PPP1R21: variants seen among roughly 807,000 people sequenced by gnomAD.
The protein encoded by PPP1R21 is protein phosphatase 1 regulatory subunit 21.
Under a neutral mutation model 112.8 loss-of-function variants are expected in PPP1R21, and 85 were observed. The observed-to-expected ratio is 0.75, with a 90% CI of 0.63 to 0.90. The LOEUF (loss-of-function observed/expected upper bound fraction) is 0.90, where lower values mean the gene tolerates loss of function less well. Ranked by LOEUF, PPP1R21 falls within the 40% of genes least tolerant of loss-of-function variation. PPP1R21 has a pLI of 0.00. For missense variants in PPP1R21, 1,199 were observed against 901.5 expected (o/e 1.33, Z -4.23); for synonymous variants, 381 against 322.3 (o/e 1.18, Z -1.95).
chr2:48,505,685 A>C, intron 18 of PPP1R21, 89 bp downstream of exon 18: 2 of 1,137,954 alleles, frequency 1.8e-6, no homozygotes, highest in South Asian at 2.7e-5. Context: ...TCTTTGTCTA[A>C]TTGTTGTTGT....
chr2:48,460,446 G>A (rs1281609180), intron 6 of PPP1R21, among the ~76,000 whole-genome samples: 2 of 152,120 alleles, frequency 1.3e-5, no homozygotes, highest in East Asian at 3.8e-4. Flanking sequence ...AACAGAAGGG[G>A]CCTCTGATAG....
At position 48,491,081 on chromosome 2, in the gene PPP1R21, G is replaced by T; in HGVS notation, c.1510G>T (p.Ala504Ser). The T allele has an allele frequency of 6.2e-7, 1 of 1,614,064 alleles. No homozygotes were observed. The highest frequency in any genetic ancestry group is 8.5e-7 in the Non-Finnish European group (1 of 1,179,940). The change falls in exon 15 of 22, where the codon GCA becomes TCA. Residue 504 changes from alanine (A) to serine (S), a missense_variant. By Grantham distance (99) the Ala-to-Ser change is moderately conservative. Coordinates refer to ENST00000294952, the MANE Select transcript of PPP1R21 (RefSeq NM_001135629.3). The part of the protein sequence containing the change: ...FIASLSYGPK[A>S]ASGFISPLSA... ...TGCTTCACTGAGCTATGGACCTAAG[G>T]CAGCGAGTGGATTCATTAGTCCTCT...
Position 48,510,987 on chromosome 2 carries a change from A to G in PPP1R21, c.2185-353A>G, listed in dbSNP as rs539048673. Among the ~76,000 whole-genome samples the G allele has an allele frequency of 2.6e-5, 4 of 152,340 alleles. No individual in the cohort carries two copies. The South Asian group carries it at 6.2e-4, about 24-fold the overall frequency. ...GGCCTGGGCCTTAAGCTGCATGTCA[A>G]TTGATCAGATAGACCATCTTTATAG... is the stretch of plus-strand genomic sequence containing the variant. On this transcript the variant is annotated intron_variant, in intron 20 of 21. Transcript: ENST00000294952.
intron 12 of PPP1R21, among the ~76,000 whole-genome samples, chr2:48,477,042 C>T (rs1454670242): frequency 6.6e-6 from 1 of 151,606 alleles, no homozygotes; most frequent in Non-Finnish European, 1.5e-5. Flanking sequence ...TGAAGACTTA[C>T]CCTGTGTTTT....
At chr2:48,496,215 GAA>G (rs554785053) in intron 16 of PPP1R21, among the ~76,000 whole-genome samples, 2 of 148,774 alleles carry the variant, frequency 1.3e-5, no homozygotes, top group African/African-American at 4.9e-5. Context: ...AGAAAAAAAG[GAA>G]AAAAAAAATA....
At position 48,491,153 on chromosome 2, in the gene PPP1R21, A is replaced by G. The variant is rs769663286; in HGVS notation, c.1582A>G (p.Met528Val). 4.3e-6 allele frequency: 7 copies of G among 1,612,272 alleles called. No individual in the cohort carries two copies. The South Asian group carries it at 7.7e-5, about 18-fold the overall frequency. Reference sequence around the variant, plus strand: ...GTATAAGAAAAAAGCTGCTGCCTATATGAAGTCTTTGAGAAAGGTTTGTTA... The same window carrying G: ...GTATAAGAAAAAAGCTGCTGCCTATGTGAAGTCTTTGAGAAAGGTTTGTTA... The part of the protein sequence containing the change: ...LQYKKKAAAY[M>V]KSLRKPLLES... Residue 528 changes from methionine (M) to valine (V), a missense_variant, in exon 15 of 22, where the codon ATG becomes GTG. Transcript: ENST00000294952.
intron 10 of PPP1R21, 21 bp from the exon 11 acceptor site, chr2:48,471,257 TG>T (rs767569982): frequency 5.6e-6 from 9 of 1,609,026 alleles, no homozygotes; most frequent in Middle Eastern, 1.7e-4. Flanking sequence ...CTTTTAACCT[TG>T]AAATTATTTT....
At chr2:48,488,202 T>C (rs1407198944) in intron 14 of PPP1R21, among the ~76,000 whole-genome samples, 4 of 152,182 alleles carry the variant, frequency 2.6e-5, no homozygotes, top group Non-Finnish European at 5.9e-5. Flanking sequence ...TACAGATCTA[T>C]GTGCAAAGGA....
intron 19 of PPP1R21, among the ~76,000 whole-genome samples, chr2:48,508,078 T>TAA (rs1189438492): frequency 5.0e-5 from 7 of 139,802 alleles, no homozygotes; most frequent in South Asian, 2.3e-4. Flanking sequence ...ACTCTGCCTT[T>TAA]AAAAAAAAAA....
At chr2:48,486,060 C>A (rs993078316) in intron 13 of PPP1R21, among the ~76,000 whole-genome samples, 3 of 151,044 alleles carry the variant, frequency 2.0e-5, no homozygotes, top group Non-Finnish European at 2.9e-5. Flanking sequence ...TAACCACAGG[C>A]CTTTATTGTA....
intron 7 of PPP1R21, among the ~76,000 whole-genome samples, chr2:48,463,979 A>C (rs753316085): frequency 3.9e-5 from 6 of 152,138 alleles, no homozygotes; most frequent in Non-Finnish European, 7.3e-5. Flanking sequence ...TGCCATGGGA[A>C]ATAAAATAGG....
At chr2:48,505,714 C>A in intron 18 of PPP1R21, 118 bp downstream of exon 18, 1 of 852,836 alleles carries the variant, frequency 1.2e-6, no homozygotes, top group South Asian at 1.5e-5. Flanking sequence ...CCTGACACTT[C>A]TAGCAAATGT....
chr2:48,466,576 C>T (rs1668214048), intron 9 of PPP1R21, among the ~76,000 whole-genome samples: 1 of 151,794 alleles, frequency 6.6e-6, no homozygotes. Flanking sequence ...GTGGTATGGC[C>T]AGTAAGTGGT....
At chr2:48,487,630 G>C (rs1289867401) in intron 14 of PPP1R21, among the ~76,000 whole-genome samples, 1 of 151,664 alleles carries the variant, frequency 6.6e-6, no homozygotes, top group Non-Finnish European at 1.5e-5. Flanking sequence ...GCATGGTGAT[G>C]TGCGTCTGTG....
intron 12 of PPP1R21, among the ~76,000 whole-genome samples, chr2:48,475,985 A>G (rs932614683): frequency 6.6e-6 from 1 of 152,174 alleles, no homozygotes; most frequent in African/African-American, 2.4e-5. Context: ...TGTATTAATT[A>G]AAGTTTACAA....
Position 48,471,112 on chromosome 2 carries a change from C to T in PPP1R21, c.923C>T (p.Ala308Val), listed in dbSNP as rs1256932082. 3.7e-6 allele frequency: 6 copies of T among 1,610,852 alleles called. No individual in the cohort carries two copies. The highest frequency in any genetic ancestry group is 2.2e-5 in the East Asian group (1 of 44,780). Residue 308 changes from alanine (A) to valine (V), a missense_variant, in exon 10 of 22, where the codon GCG becomes GTG. Physicochemically the swap from Ala to Val is moderately conservative, Grantham distance 64 (BLOSUM62 0). Coordinates refer to ENST00000294952, the MANE Select transcript of PPP1R21 (RefSeq NM_001135629.3). ...QKFSQYLHEN[A>V]SYVRPLEEGM... Reference sequence around the variant, plus strand: ...TTCTCACAATACCTTCATGAAAATGCGTCCTATGTCCGCCCTCTTGAGGAA... The same window carrying T: ...TTCTCACAATACCTTCATGAAAATGTGTCCTATGTCCGCCCTCTTGAGGAA...
Position 48,511,359 on chromosome 2 carries a change from A to G in PPP1R21, c.2204A>G (p.Lys735Arg), listed in dbSNP as rs772354076. ...SRLQDELTTT[K>R]RSYEDQLSMM... Reference sequence around the variant, plus strand: ...ATTTAGGATGAGCTGACAACTACCAAGAGGAGTTACGAGGATCAGTTAAGT... The same window carrying G: ...ATTTAGGATGAGCTGACAACTACCAGGAGGAGTTACGAGGATCAGTTAAGT... Residue 735 changes from lysine to arginine, a missense_variant, in exon 21 of 22, where the codon AAG (lysine) becomes AGG (arginine). Coordinates refer to ENST00000294952, the MANE Select transcript of PPP1R21 (RefSeq NM_001135629.3). The G allele has an allele frequency of 6.2e-7, 1 of 1,613,826 alleles. No individual in the cohort carries two copies. Among genetic ancestry groups the G allele is most frequent in the Non-Finnish European group, 8.5e-7 (1 of 1,179,966 alleles).
intron 15 of PPP1R21, 106 bp downstream of exon 15, chr2:48,491,276 A>T: frequency 8.1e-7 from 1 of 1,239,656 alleles, no homozygotes; most frequent in Non-Finnish European, 1.1e-6. Context: ...TTTATACGAT[A>T]TTGGGGTACA....
At chr2:48,471,470 C>A (rs1668493504) in intron 11 of PPP1R21, 103 bp downstream of exon 11, 1 of 1,144,848 alleles carries the variant, frequency 8.7e-7, no homozygotes, top group Non-Finnish European at 1.2e-6. Context: ...ATCTGCCTGA[C>A]TTTTCTGCTT....
Sources: allele counts gnomAD v4.1 joint callset (sites outside exome capture counted in the v4.1 genomes callset), GRCh38; gene constraint gnomAD v4.1.1; transcripts MANE v1.5; gene names NCBI Gene and HGNC (gene_info 2026-07-23, HGNC 2026-07-21).